The following TMEM187 variants were observed in gnomAD, a reference collection of about 807,000 sequenced individuals.
TMEM187 encodes the protein chromosome X open reading frame 12.
In TMEM187, 14 loss-of-function variants were observed where a neutral mutation model predicts 11.8. That is an observed-to-expected ratio of 1.18 (90% CI 0.78 to 1.85). The LOEUF is 1.85. Ranked by LOEUF, TMEM187 falls within the 40% of genes most tolerant of loss-of-function variation. TMEM187 has a pLI of 0.00. For missense variants in TMEM187, 227 were observed against 243.9 expected (o/e 0.93, Z 0.46); for synonymous variants, 112 against 118.5 (o/e 0.95, Z 0.36).
intron 1 of TMEM187, among the ~76,000 whole-genome samples, chrX:153,973,999 AG>A (rs1202689877): frequency 9.0e-6 from 1 of 111,499 alleles, no homozygotes; most frequent in African/African-American, 3.3e-5. Context: ...TTCCCATGCC[AG>A]GCGCTGGGGG....
chrX:153,983,025 C>T lies in TMEM187; in HGVS notation c.*177C>T. 4.3e-6 allele frequency: 4 copies of T among 941,093 alleles called. No homozygotes were observed. The highest frequency in any genetic ancestry group is 5.9e-6 in the Non-Finnish European group (4 of 678,296). The allele number at this position is 941,093 out of a possible 1,213,427, so 77.6% of individuals were successfully genotyped here. A position where few individuals can be genotyped will look rare whatever the true frequency, so the allele number is the denominator to read the frequency against. ...GTGGAGGGGTGGAGTGCTGTGATCT[C>T]GACAACTTACTTTCAAAGACATAAA... On this transcript the variant is annotated 3_prime_UTR_variant, in exon 2 of 2. Coordinates refer to ENST00000369982, the MANE Select transcript of TMEM187 (RefSeq NM_003492.3).
At chrX:153,975,611 T>C (rs1337741222) in intron 1 of TMEM187, among the ~76,000 whole-genome samples, 2 of 89,988 alleles carry the variant, frequency 2.2e-5, no homozygotes, top group African/African-American at 8.5e-5. Flanking sequence ...ATTACAGGTG[T>C]GAGCCACCAC....
At chrX:153,974,642 C>T (rs1603300371) in intron 1 of TMEM187, among the ~76,000 whole-genome samples, 1 of 112,575 alleles carries the variant, frequency 8.9e-6, no homozygotes, top group Non-Finnish European at 1.9e-5. Flanking sequence ...GCTGGGGCTG[C>T]GGTGTGCACA....
At position 153,982,441 on chromosome X, in the gene TMEM187, G is replaced by A. The variant is rs782131352; in HGVS notation, c.379G>A (p.Val127Met). The change falls in exon 2 of 2, where the codon GTG becomes ATG. Residue 127 changes from valine to methionine, a missense_variant. By Grantham distance (21) the Val-to-Met change is conservative. Coordinates refer to ENST00000369982, the MANE Select transcript of TMEM187 (RefSeq NM_003492.3). The part of the protein sequence containing the change: ...WLTLPIFAWP[V>M]AWCLYLDRGW... Reference sequence around the variant, plus strand: ...CACACTGCCCATCTTTGCATGGCCCGTGGCCTGGTGCCTCTACCTAGACCG... The same window carrying A: ...CACACTGCCCATCTTTGCATGGCCCATGGCCTGGTGCCTCTACCTAGACCG... The A allele has an allele frequency of 1.2e-5, 15 of 1,201,651 alleles. No homozygotes were observed. Among genetic ancestry groups the A allele is most frequent in the African/African-American group, 5.2e-5 (3 of 57,767 alleles).
Position 153,972,789 on chromosome X carries a change from T to G in TMEM187, c.-285T>G, listed in dbSNP as rs5986945. 2 of 111,653 alleles carry G rather than the reference T, an allele frequency of 1.8e-5. No homozygotes were observed. Among genetic ancestry groups the G allele is most frequent in the African/African-American group, 6.4e-5 (2 of 31,041 alleles). 9.2% of individuals were successfully genotyped at this position (111,653 alleles called of 1,213,427 possible). ...CTCGGATCCTCCCTTTTCGGAGATTTGAATTTCCCCCAGCGAGGCGAGTGA... is the reference window on the plus strand; with the variant it reads ...CTCGGATCCTCCCTTTTCGGAGATTGGAATTTCCCCCAGCGAGGCGAGTGA... On this transcript the variant is annotated 5_prime_UTR_variant, in exon 1 of 2. Transcript: ENST00000369982.
At chrX:153,975,757 G>A (rs2065575471) in intron 1 of TMEM187, among the ~76,000 whole-genome samples, 1 of 99,777 alleles carries the variant, frequency 1.0e-5, no homozygotes, top group Non-Finnish European at 2.0e-5. Context: ...CATTTCTCCT[G>A]CCCCAGCCCC....
chrX:153,975,308 ATTTAT>A (rs1303265916), intron 1 of TMEM187, among the ~76,000 whole-genome samples: 1 of 110,294 alleles, frequency 9.1e-6, no homozygotes, highest in African/African-American at 3.3e-5. Context: ...GTTTTATTTT[ATTTAT>A]TTTATTATTT....
At position 153,982,107 on chromosome X, in the gene TMEM187, C is replaced by CGGTGGCCTCTGTGCCGTGGCT; in HGVS notation, c.47_67dup (p.Gly16_Ala22dup). ...AGGCCTTCGTGCACGTGGCCGTGGC[C>CGGTGGCCTCTGTGCCGTGGCT]GGTGGCCTCTGTGCCGTGGCTGTGT... On this transcript the variant is annotated inframe_insertion, in exon 2 of 2. Coordinates refer to ENST00000369982, the MANE Select transcript of TMEM187 (RefSeq NM_003492.3). 8.2e-7 allele frequency: 1 copy of CGGTGGCCTCTGTGCCGTGGCT among 1,212,567 alleles called. No homozygotes were observed. Among genetic ancestry groups the CGGTGGCCTCTGTGCCGTGGCT allele is most frequent in the Non-Finnish European group, 1.1e-6 (1 of 895,697 alleles).
intron 1 of TMEM187, among the ~76,000 whole-genome samples, chrX:153,978,291 C>T (rs1456351771): frequency 3.8e-4 from 39 of 103,172 alleles, no homozygotes; most frequent in African/African-American, 1.4e-3. Context: ...TTTTTTGAGA[C>T]GGAGTCTCAT....
At chrX:153,977,749 A>G (rs1557121668) in intron 1 of TMEM187, among the ~76,000 whole-genome samples, 2 of 105,088 alleles carry the variant, frequency 1.9e-5, no homozygotes, top group Non-Finnish European at 3.9e-5. Context: ...TGTCTCTACT[A>G]AAAAAAATAC....
chrX:153,977,470 C>T (rs186503224), intron 1 of TMEM187, among the ~76,000 whole-genome samples: 1,656 of 110,445 alleles, frequency 0.015, 27 homozygotes, highest in African/African-American at 0.052. Flanking sequence ...AAAAATTAGC[C>T]GGGCGTGATG....
intron 1 of TMEM187, among the ~76,000 whole-genome samples, chrX:153,976,688 CCTGT>C (rs1325516506): frequency 2.7e-5 from 3 of 112,236 alleles, no homozygotes; most frequent in Non-Finnish European, 5.6e-5. Flanking sequence ...ATAGCAAGAC[CCTGT>C]CTTTCAAAAA....
chrX:153,981,945 GA>G lies in TMEM187; in HGVS notation c.-115del, dbSNP rs2065603916. ...TCGCAGCATCTGCCTCGGAAATCAC[GA>G]AATCACGGGGCTTCTTTCTGCTGGC... On this transcript the variant is annotated 5_prime_UTR_variant, in exon 2 of 2. The change creates a premature stop within an existing upstream ORF in the 5' untranslated region. Transcript: ENST00000369982. The G allele has an allele frequency of 8.6e-7, 1 of 1,157,081 alleles. No homozygotes were observed. Among genetic ancestry groups the G allele is most frequent in the Admixed American group, 2.4e-5 (1 of 42,167 alleles).
rs781946877 is a variant in TMEM187, at chrX:153,982,190, C to T, written c.128C>T (p.Ala43Val). 2.2e-5 allele frequency: 27 copies of T among 1,211,661 alleles called. No individual in the cohort carries two copies. Among genetic ancestry groups the T allele is most frequent in the Non-Finnish European group, 2.9e-5 (26 of 895,554 alleles). The stretch of plus-strand genomic sequence containing the variant: ...GTGGGCTATGAGCACTACGCCGAGG[C>T]GCCCGTGGCCGGCCTCCCTGCCTTC... ...VQVGYEHYAE[A>V]PVAGLPAFLA... The change falls in exon 2 of 2, where the codon GCG (alanine) becomes GTG (valine). Residue 43 changes from alanine (A) to valine (V), a missense_variant. Coordinates refer to ENST00000369982, the MANE Select transcript of TMEM187 (RefSeq NM_003492.3).
intron 1 of TMEM187, among the ~76,000 whole-genome samples, chrX:153,979,224 CTT>C (rs1331386389): frequency 2.0e-5 from 2 of 102,563 alleles, no homozygotes; most frequent in African/African-American, 3.5e-5. Flanking sequence ...CTGCGCCTAG[CTT>C]TTTTTTTTTT....
Position 153,982,641 on chromosome X carries a change from C to G in TMEM187, c.579C>G (p.Tyr193Ter). ...ATGGCAGCACCACCTCGGCTACCTACTTAGCTTTGGGGGTGCTCTCTTGCC... is the reference window on the plus strand; with the variant it reads ...ATGGCAGCACCACCTCGGCTACCTAGTTAGCTTTGGGGGTGCTCTCTTGCC... ...RHYGSTTSAT[Y>*]LALGVLSCLG... Residue 193 changes from tyrosine (Y) to a stop codon, truncating the protein, a stop_gained, in exon 2 of 2, where the codon TAC (tyrosine) becomes TAG (stop). Coordinates refer to ENST00000369982, the MANE Select transcript of TMEM187 (RefSeq NM_003492.3). LOFTEE classifies it high-confidence loss of function. The G allele has an allele frequency of 8.2e-7, 1 of 1,212,461 alleles. No individual in the cohort carries two copies.
intron 1 of TMEM187, 45 bp from the exon 2 acceptor site, chrX:153,981,805 G>A (rs1557122444): frequency 4.3e-6 from 2 of 468,402 alleles, no homozygotes; most frequent in East Asian, 3.8e-5. Flanking sequence ...AGGCGGTGCT[G>A]GGGACGGTTT....
chrX:153,976,584 G>A (rs1411967709), intron 1 of TMEM187, among the ~76,000 whole-genome samples: 1 of 112,001 alleles, frequency 8.9e-6, no homozygotes, highest in Admixed American at 9.4e-5. Context: ...ACTATTGGCT[G>A]GGTGCAGTAA....
At chrX:153,981,430 ATCC>A (rs1207758233) in intron 1 of TMEM187, among the ~76,000 whole-genome samples, 1 of 111,297 alleles carries the variant, frequency 9.0e-6, no homozygotes. Flanking sequence ...CAGACGGTGA[ATCC>A]TCCTCCTCCT....
Sources: gnomAD v4.1 joint callset for allele counts (sites outside exome capture counted in the v4.1 genomes callset) on GRCh38, gnomAD v4.1.1 for gene constraint, MANE v1.5 for transcripts, NCBI Gene and HGNC (gene_info 2026-07-23, HGNC 2026-07-21) for gene names.